ROCK1: variants seen among roughly 807,000 people sequenced by gnomAD.
ROCK1 encodes the protein rho-associated protein kinase 1.
A neutral mutation model predicts 196.8 loss-of-function variants in ROCK1; 36 were observed. The ratio of observed to expected loss-of-function variants is 0.18; its 90% confidence interval spans 0.14 to 0.24. The LOEUF (loss-of-function observed/expected upper bound fraction) is 0.24. Ranked by LOEUF, ROCK1 falls within the 10% of genes least tolerant of loss-of-function variation. ROCK1 has a pLI of 1.00. For missense variants in ROCK1, 920 were observed against 1,562.0 expected (o/e 0.59, Z 6.93); for synonymous variants, 443 against 515.9 (o/e 0.86, Z 1.91).
At chr18:21,034,033 CAA>C (rs777661024) in intron 9 of ROCK1, among the ~76,000 whole-genome samples, 10 of 43,526 alleles carry the variant, frequency 2.3e-4, no homozygotes, top group Non-Finnish European at 3.3e-4. Flanking sequence ...GACTCCATCT[CAA>C]AAAAAAAAAA....
chr18:21,106,097 G>A (rs1402003336), intron 1 of ROCK1, among the ~76,000 whole-genome samples: 1 of 152,158 alleles, frequency 6.6e-6, no homozygotes. Context: ...GAACTCAACA[G>A]GCACTATTTG....
intron 32 of ROCK1, chr18:20,953,240 A>G (rs1399714334): frequency 5.4e-6 from 1 of 185,152 alleles, no homozygotes; most frequent in African/African-American, 2.4e-5. Context: ...ATGCCAACAC[A>G]GTTAAAAAAC....
chr18:21,038,354 T>C (rs2036075353), intron 9 of ROCK1, among the ~76,000 whole-genome samples: 1 of 152,134 alleles, frequency 6.6e-6, no homozygotes, highest in South Asian at 2.1e-4. Flanking sequence ...AGCTGGTCAT[T>C]CAATGATGTT....
intron 16 of ROCK1, among the ~76,000 whole-genome samples, chr18:21,003,657 G>A (rs1212228453): frequency 6.6e-6 from 1 of 152,050 alleles, no homozygotes; most frequent in Non-Finnish European, 1.5e-5. Context: ...AATGAAACAC[G>A]ACTGGCTACC....
chr18:20,967,700 T>C, intron 26 of ROCK1, 52 bp downstream of exon 26: 2 of 1,310,984 alleles, frequency 1.5e-6, no homozygotes, highest in Non-Finnish European at 2.1e-6. Context: ...ACAGAAATAA[T>C]TTAAGAAAAT....
At chr18:21,104,201 C>A (rs553746870) in intron 1 of ROCK1, among the ~76,000 whole-genome samples, 1 of 152,140 alleles carries the variant, frequency 6.6e-6, no homozygotes, top group Non-Finnish European at 1.5e-5. Context: ...AACTTATAAT[C>A]GTGAAGCAAA....
intron 2 of ROCK1, among the ~76,000 whole-genome samples, chr18:21,057,307 T>C (rs975450138): frequency 6.6e-6 from 1 of 152,142 alleles, no homozygotes; most frequent in Non-Finnish European, 1.5e-5. Context: ...AATTGAGTCA[T>C]AAATAGGAAC....
At chr18:21,036,213 G>A (rs776116212) in intron 9 of ROCK1, among the ~76,000 whole-genome samples, 35 of 152,166 alleles carry the variant, frequency 2.3e-4, no homozygotes, top group Admixed American at 6.5e-4. Flanking sequence ...TCTCTCCCGT[G>A]AGAATGTAAA....
At position 21,020,348 on chromosome 18, in the gene ROCK1, T is replaced by C. The variant is rs1261824438; in HGVS notation, c.1273-109A>G. 7.8e-5 allele frequency: 40 copies of C among 515,668 alleles called. No individual in the cohort carries two copies. The East Asian group carries it at 1.4e-3, about 18-fold the overall frequency. 31.9% of individuals were successfully genotyped at this position (515,668 alleles called of 1,614,324 possible). A position where few individuals can be genotyped will look rare whatever the true frequency, so the allele number is the denominator to read the frequency against. On this transcript the variant is annotated intron_variant, in intron 11 of 32. Coordinates refer to ENST00000399799, the MANE Select transcript of ROCK1 (RefSeq NM_005406.3). Reference sequence around the variant, plus strand: ...AACCTTTTTAGAAAATAATTTAATTTAATCTTACCTCTTTCTATCTCAATT... The same window carrying C: ...AACCTTTTTAGAAAATAATTTAATTCAATCTTACCTCTTTCTATCTCAATT...
intron 1 of ROCK1, among the ~76,000 whole-genome samples, chr18:21,085,101 G>A (rs1230700327): frequency 2.6e-5 from 4 of 152,134 alleles, no homozygotes. Context: ...GAGGGACAGG[G>A]AATAAAAGAG....
intron 18 of ROCK1, 44 bp downstream of exon 18, chr18:20,991,132 C>T: frequency 6.5e-7 from 1 of 1,534,002 alleles, no homozygotes; most frequent in Non-Finnish European, 8.7e-7. Flanking sequence ...TTTCTAGTCA[C>T]TATTTAAAGT....
At chr18:21,103,260 A>G (rs1232483144) in intron 1 of ROCK1, among the ~76,000 whole-genome samples, 2 of 152,302 alleles carry the variant, frequency 1.3e-5, no homozygotes, top group African/African-American at 2.4e-5. Flanking sequence ...AATGGCAAAT[A>G]TAACTATTGA....
intron 1 of ROCK1, among the ~76,000 whole-genome samples, chr18:21,079,738 G>A (rs1216150261): frequency 1.3e-5 from 2 of 152,168 alleles, no homozygotes; most frequent in Middle Eastern, 3.2e-3. Context: ...GAACTGGGTC[G>A]ATTGTACAGA....
At position 20,949,143 on chromosome 18, in the gene ROCK1, T is replaced by G. The variant is rs1411310540; in HGVS notation, c.*2241A>C. ...CAACAATTCTAAGTTCAGATTAGTATGTCATTTGGAAAGTCTTCTCTTGCT... is the reference window on the plus strand; with the variant it reads ...CAACAATTCTAAGTTCAGATTAGTAGGTCATTTGGAAAGTCTTCTCTTGCT... On this transcript the variant is annotated 3_prime_UTR_variant, in exon 33 of 33. Transcript: ENST00000399799. 6.6e-6 allele frequency: 1 copy of G among 152,196 alleles called. No individual in the cohort carries two copies. Among genetic ancestry groups the G allele is most frequent in the Non-Finnish European group, 1.5e-5 (1 of 68,044 alleles). The allele number at this position is 152,196 out of a possible 1,614,324, so 9.4% of individuals were successfully genotyped here. A position where few individuals can be genotyped will look rare whatever the true frequency, so the allele number is the denominator to read the frequency against.
chr18:21,023,030 C>G (rs906019704), intron 11 of ROCK1, among the ~76,000 whole-genome samples: 1 of 151,856 alleles, frequency 6.6e-6, no homozygotes, highest in African/African-American at 2.4e-5. Context: ...TATGAGGTAC[C>G]TGGAATAGGC....
rs1598540435 is a variant in ROCK1, at chr18:21,042,623, A to G, written c.762T>C (p.Tyr254=). The G allele has an allele frequency of 1.2e-6, 2 of 1,614,022 alleles. No homozygotes were observed. Among genetic ancestry groups the G allele is most frequent in the African/African-American group, 2.7e-5 (2 of 75,056 alleles). The change falls in exon 7 of 33, where the codon TAT becomes TAC. Residue 254 remains tyrosine (Y), a synonymous_variant. Coordinates refer to ENST00000399799, the MANE Select transcript of ROCK1 (RefSeq NM_005406.3). ...EVLKSQGGDG[Y]YGRECDWWSV... Reference sequence around the variant, plus strand: ...ACCACCAGTCACATTCTCTTCCATAATAACCATCACCACCTTGGGATTTTA... The same window carrying G: ...ACCACCAGTCACATTCTCTTCCATAGTAACCATCACCACCTTGGGATTTTA...
chr18:20,967,128 C>A (rs750055839), intron 26 of ROCK1, 52 bp from the exon 27 acceptor site: 9 of 1,222,308 alleles, frequency 7.4e-6, no homozygotes, highest in Non-Finnish European at 1.1e-5. Flanking sequence ...CAATTTCCAA[C>A]ATTACTAATT....
chr18:20,999,553 G>A (rs1466785223), intron 16 of ROCK1, among the ~76,000 whole-genome samples: 1 of 151,990 alleles, frequency 6.6e-6, no homozygotes, highest in Non-Finnish European at 1.5e-5. Flanking sequence ...TTCCCTTTAA[G>A]AGCATCAAAA....
chr18:21,029,012 C>CT, intron 9 of ROCK1, 77 bp from the exon 10 acceptor site: 1 of 1,359,540 alleles, frequency 7.4e-7, no homozygotes, highest in South Asian at 1.3e-5. Flanking sequence ...ATACCAACTA[C>CT]TGATGGTTTC....
Sources: gnomAD v4.1 joint callset for allele counts (sites outside exome capture counted in the v4.1 genomes callset) on GRCh38, gnomAD v4.1.1 for gene constraint, MANE v1.5 for transcripts, NCBI Gene and HGNC (gene_info 2026-07-23, HGNC 2026-07-21) for gene names.